Variants in CADM2 observed in about 807,000 individuals in gnomAD.
CADM2 encodes the protein cell adhesion molecule 2.
Under a neutral mutation model 49.8 loss-of-function variants are expected in CADM2, and 12 were observed. The ratio of observed to expected loss-of-function variants is 0.24; its 90% CI spans 0.15 to 0.39. CADM2 has a LOEUF of 0.39. CADM2 is among the 10% of genes least tolerant of loss of function. The pLI is 1.00. For missense variants in CADM2, 378 were observed against 492.3 expected (o/e 0.77, Z 2.20); for synonymous variants, 214 against 175.4 (o/e 1.22, Z -1.74).
intron 1 of CADM2, among the ~76,000 whole-genome samples, chr3:85,056,412 A>G (rs930927569): frequency 5.3e-5 from 8 of 152,070 alleles, no homozygotes; most frequent in Admixed American, 5.2e-4. Flanking sequence ...GCTTGTATCT[A>G]ATGTTTTCAA....
chr3:85,225,431 TGATTTTTGC>T (rs773841531), intron 1 of CADM2, among the ~76,000 whole-genome samples: 1 of 152,332 alleles, frequency 6.6e-6, no homozygotes, highest in Non-Finnish European at 1.5e-5. Flanking sequence ...GGAATGCTTC[TGATTTTTGC>T]ACATTGATTT....
At chr3:85,160,172 A>C (rs1036682828) in intron 1 of CADM2, among the ~76,000 whole-genome samples, 10 of 152,146 alleles carry the variant, frequency 6.6e-5, no homozygotes, top group African/African-American at 2.4e-4. Flanking sequence ...TGCCTTTCTA[A>C]ATGAGGGTTT....
At chr3:85,440,940 G>C (rs552793008) in intron 1 of CADM2, among the ~76,000 whole-genome samples, 2 of 152,108 alleles carry the variant, frequency 1.3e-5, no homozygotes, top group East Asian at 3.9e-4. Context: ...CAGCCTGGGA[G>C]CTTGAGCAAG....
chr3:85,374,972 G>T (rs538934337), intron 1 of CADM2, among the ~76,000 whole-genome samples: 13 of 151,862 alleles, frequency 8.6e-5, no homozygotes, highest in African/African-American at 3.1e-4. Context: ...GACTTTTGAT[G>T]GTTGCTCAGG....
At chr3:85,761,366 A>ATTTTTTT (rs1340695835) in intron 2 of CADM2, among the ~76,000 whole-genome samples, 1 of 135,324 alleles carries the variant, frequency 7.4e-6, no homozygotes, top group African/African-American at 3.3e-5. Context: ...ACAACACAAA[A>ATTTTTTT]CTTTTTTTTT....
chr3:85,496,798 G>A (rs2039921934), intron 1 of CADM2, among the ~76,000 whole-genome samples: 1 of 152,082 alleles, frequency 6.6e-6, no homozygotes, highest in Admixed American at 6.6e-5. Flanking sequence ...GATTAGTGGT[G>A]TTGAGCATTT....
At chr3:85,328,223 A>G (rs550328660) in intron 1 of CADM2, among the ~76,000 whole-genome samples, 1 of 152,294 alleles carries the variant, frequency 6.6e-6, no homozygotes, top group East Asian at 1.9e-4. Context: ...TATATCTTGT[A>G]GGTCAAAACT....
At chr3:86,020,668 C>A in intron 8 of CADM2, among the ~76,000 whole-genome samples, 1 of 152,106 alleles carries the variant, frequency 6.6e-6, no homozygotes, top group Non-Finnish European at 1.5e-5. Flanking sequence ...CCCTGGGATG[C>A]AAGGCTGGTT....
intron 8 of CADM2, among the ~76,000 whole-genome samples, chr3:86,056,630 G>T (rs1218581758): frequency 6.6e-6 from 1 of 152,194 alleles, no homozygotes; most frequent in African/African-American, 2.4e-5. Flanking sequence ...CATGAAATTA[G>T]TGCACGGAGT....
intron 1 of CADM2, among the ~76,000 whole-genome samples, chr3:85,376,609 G>A (rs1016070792): frequency 3.9e-5 from 6 of 151,964 alleles, no homozygotes; most frequent in African/African-American, 1.2e-4. Context: ...CTGAAAAATG[G>A]ATACACATGA....
At chr3:85,655,556 G>T (rs1045076256) in intron 1 of CADM2, among the ~76,000 whole-genome samples, 5 of 151,902 alleles carry the variant, frequency 3.3e-5, no homozygotes, top group African/African-American at 9.7e-5. Flanking sequence ...TACCTGGTAG[G>T]CACTGTACTA....
At chr3:85,844,773 T>A (rs1159926806) in intron 3 of CADM2, among the ~76,000 whole-genome samples, 1 of 152,056 alleles carries the variant, frequency 6.6e-6, no homozygotes, top group African/African-American at 2.4e-5. Context: ...CACACACACA[T>A]ATTGCATTCG....
rs147901250 is a variant in CADM2 at position 85,830,577 on chromosome 3, G to A, written c.238+28381G>A. Among the ~76,000 whole-genome samples, 566 of 151,474 alleles carry A rather than the reference G, an allele frequency of 3.7e-3. 2 individuals carry two copies. The highest frequency in any genetic ancestry group is 0.013 in the African/African-American group (538 of 41,336). ...CTTTTGTTGCTCAGGCTTTGGTATC[G>A]TATTCAAAATATTCATTATGAATAC... is the stretch of plus-strand genomic sequence containing the variant. On this transcript the variant is annotated intron_variant, in intron 3 of 9. Transcript: ENST00000383699.
At chr3:86,053,846 GAAT>G (rs1737613875) in intron 8 of CADM2, among the ~76,000 whole-genome samples, 1 of 151,982 alleles carries the variant, frequency 6.6e-6, no homozygotes, top group Non-Finnish European at 1.5e-5. Context: ...AAAGTAATAA[GAAT>G]AATGCTTTTA....
At chr3:85,338,973 T>C (rs1052468086) in intron 1 of CADM2, among the ~76,000 whole-genome samples, 4 of 151,538 alleles carry the variant, frequency 2.6e-5, no homozygotes, top group African/African-American at 9.7e-5. Context: ...TTAATAAAAC[T>C]AGATTGAGAC....
At chr3:85,789,293 C>T (rs1331045205) in intron 2 of CADM2, among the ~76,000 whole-genome samples, 1 of 152,152 alleles carries the variant, frequency 6.6e-6, no homozygotes, top group Non-Finnish European at 1.5e-5. Flanking sequence ...TTTCTTTTCT[C>T]TGGAAGGCTG....
intron 1 of CADM2, among the ~76,000 whole-genome samples, chr3:85,595,701 T>G (rs925001262): frequency 6.6e-6 from 1 of 152,002 alleles, no homozygotes; most frequent in African/African-American, 2.4e-5. Flanking sequence ...AGTTTCTGAA[T>G]CTCTTCTGTC....
intron 1 of CADM2, among the ~76,000 whole-genome samples, chr3:85,516,668 CAT>C (rs58281139): frequency 0.011 from 1,703 of 152,056 alleles, 34 homozygotes; most frequent in African/African-American, 0.039. Context: ...TGACATGAAA[CAT>C]GTTCTCAACG....
chr3:85,419,150 T>G (rs900755996), intron 1 of CADM2, among the ~76,000 whole-genome samples: 2 of 152,092 alleles, frequency 1.3e-5, no homozygotes, highest in Admixed American at 1.3e-4. Context: ...TTGACCACAT[T>G]CTTTGAATAA....
Sources: gnomAD v4.1 joint callset for allele counts (sites outside exome capture counted in the v4.1 genomes callset) on GRCh38, gnomAD v4.1.1 for gene constraint, MANE v1.5 for transcripts, NCBI Gene and HGNC (gene_info 2026-07-23, HGNC 2026-07-21) for gene names.